The following SPARC variants were observed in gnomAD, a reference collection of about 807,000 sequenced individuals.
SPARC encodes the protein secreted protein acidic and cysteine rich, also known as basement-membrane protein 40.
In SPARC, 23 loss-of-function variants were observed where a neutral mutation model predicts 37.7. The observed-to-expected ratio is 0.61, with a 90% CI of 0.44 to 0.87. SPARC has a LOEUF of 0.87. Ranked by LOEUF, SPARC falls within the 40% of genes least tolerant of loss-of-function variation. The pLI is 0.00. For missense variants in SPARC, 312 were observed against 389.0 expected (o/e 0.80, Z 1.66); for synonymous variants, 155 against 150.8 (o/e 1.03, Z -0.20).
intron 2 of SPARC, among the ~76,000 whole-genome samples, chr5:151,675,919 C>T (rs1760845756): frequency 6.6e-6 from 1 of 152,066 alleles, no homozygotes; most frequent in South Asian, 2.1e-4. Flanking sequence ...GTTTATCTAA[C>T]ATTACATGGA....
At chr5:151,681,548 T>A (rs1270255001) in intron 1 of SPARC, among the ~76,000 whole-genome samples, 6 of 152,250 alleles carry the variant, frequency 3.9e-5, no homozygotes, top group African/African-American at 1.4e-4. Flanking sequence ...TAGCATGTAC[T>A]GAACCATGTG....
chr5:151,665,821 G>A (rs1217164171), intron 8 of SPARC, among the ~76,000 whole-genome samples: 1 of 152,232 alleles, frequency 6.6e-6, no homozygotes. Flanking sequence ...TGCCTGTTCG[G>A]CAGTGCAGTT....
At chr5:151,675,276 T>C (rs1368975150) in intron 2 of SPARC, among the ~76,000 whole-genome samples, 2 of 152,216 alleles carry the variant, frequency 1.3e-5, no homozygotes, top group African/African-American at 4.8e-5. Context: ...CACTTCTTAG[T>C]AAACAGAGGA....
At chr5:151,669,617 A>G (rs1486138746) in intron 6 of SPARC, 47 bp downstream of exon 6, 1 of 1,598,804 alleles carries the variant, frequency 6.3e-7, no homozygotes. Context: ...GCCAGCTCAG[A>G]GCTCTCTCCC....
In SPARC at chr5:151,663,521, C is replaced by G. The variant is rs752834849; in HGVS notation, c.*50G>C. The G allele has an allele frequency of 6.4e-7, 1 of 1,569,132 alleles. No homozygotes were observed. Among genetic ancestry groups the G allele is most frequent in the Non-Finnish European group, 8.8e-7 (1 of 1,140,108 alleles). ...CAAACATTTTAAACATTGGGGGAAA[C>G]ACGAAGGGGAGGGTTAAAGAGAGAA... On this transcript the variant is annotated 3_prime_UTR_variant, in exon 10 of 10. Coordinates refer to ENST00000231061, the MANE Select transcript of SPARC (RefSeq NM_003118.4).
chr5:151,667,022 C>T (rs1760638545), intron 7 of SPARC, among the ~76,000 whole-genome samples: 1 of 151,956 alleles, frequency 6.6e-6, no homozygotes, highest in African/African-American at 2.4e-5. Flanking sequence ...GACTTTGCCT[C>T]AAAAAAATAA....
rs3033198 is a variant in SPARC at position 151,685,422 on chromosome 5, TCACACA to T, written c.-14+1437_-14+1442del. ...CTCTCTCTCTCTCTCCCTCTCTCTC[TCACACA>T]CACACACACACACACACACACACAC... On this transcript the variant is annotated intron_variant, in intron 1 of 9. Transcript: ENST00000231061. Among the ~76,000 whole-genome samples the T allele has an allele frequency of 2.9e-3, 410 of 140,500 alleles. 2 individuals are homozygous for T. The highest frequency in any genetic ancestry group is 7.9e-3 in the African/African-American group (295 of 37,244). The allele number at this position is 140,500 out of a possible 152,430, so 92.2% of individuals were successfully genotyped here.
intron 1 of SPARC, among the ~76,000 whole-genome samples, chr5:151,685,620 T>A (rs1761121374): frequency 6.6e-6 from 1 of 152,104 alleles, no homozygotes; most frequent in Non-Finnish European, 1.5e-5. Context: ...GGGCACTAAA[T>A]CCAGGGGAGA....
intron 1 of SPARC, chr5:151,685,883 C>T (rs1042914781): frequency 2.6e-5 from 4 of 152,166 alleles, no homozygotes; most frequent in Non-Finnish European, 5.9e-5. Flanking sequence ...CCTTGGAGTC[C>T]TTGGAGTCCC....
In SPARC at chr5:151,666,527, G is replaced by A. The variant is rs1272609734; in HGVS notation, c.586-18C>T. 2 of 1,611,512 alleles carry A rather than the reference G, an allele frequency of 1.2e-6. No homozygotes were observed. Among genetic ancestry groups the A allele is most frequent in the South Asian group, 1.1e-5 (1 of 90,602 alleles). On this transcript the variant is annotated intron_variant, in intron 7 of 9. Transcript: ENST00000231061. ...TTCTTCACCTGAGGGAGTAGAGACT[G>A]TGTGTGACAAGAGGTCCATGGAGAT...
intron 6 of SPARC, 94 bp downstream of exon 6, chr5:151,669,570 G>T: frequency 1.4e-6 from 2 of 1,428,334 alleles, no homozygotes; most frequent in Non-Finnish European, 1.9e-6. Flanking sequence ...ATTTGCCCAA[G>T]ATCACCCAGC....
At chr5:151,682,099 C>T (rs527767759) in intron 1 of SPARC, among the ~76,000 whole-genome samples, 1 of 152,272 alleles carries the variant, frequency 6.6e-6, no homozygotes, top group East Asian at 1.9e-4. Flanking sequence ...CTTTTTAGAG[C>T]CTTACCTCTC....
At chr5:151,664,008 A>G in intron 9 of SPARC, 79 bp downstream of exon 9, 1 of 1,530,540 alleles carries the variant, frequency 6.5e-7, no homozygotes, top group South Asian at 1.1e-5. Flanking sequence ...AAGAGAGCGG[A>G]GAGTGGGGGG....
chr5:151,673,513 T>C (rs1391743751), intron 3 of SPARC, among the ~76,000 whole-genome samples: 1 of 152,244 alleles, frequency 6.6e-6, no homozygotes, highest in East Asian at 1.9e-4. Flanking sequence ...CCTCCTATTC[T>C]ATGCAGTCAT....
chr5:151,666,638 G>T, intron 7 of SPARC, 129 bp from the exon 8 acceptor site: 1 of 761,846 alleles, frequency 1.3e-6, no homozygotes, highest in South Asian at 1.9e-5. Flanking sequence ...AGCGAGGGGA[G>T]GGAGGTGTCA....
chr5:151,672,333 T>G (rs1760764835), intron 4 of SPARC, among the ~76,000 whole-genome samples: 1 of 152,182 alleles, frequency 6.6e-6, no homozygotes, highest in African/African-American at 2.4e-5. Flanking sequence ...TGTGGCCTTT[T>G]CCTCGCAATG....
In SPARC at chr5:151,675,327, G is replaced by T. The variant is rs1407612766; in HGVS notation, c.58-653C>A. 2.0e-5 allele frequency among the ~76,000 whole-genome samples: 3 copies of T among 152,128 alleles called. No individual in the cohort carries two copies. In the East Asian group the frequency reaches 5.8e-4, roughly 29 times the overall value. ...TTGAAAGAAATTGCACTTTTTGCCT[G>T]CCCTGTTTCTTCCTCCTCTCCTTGT... On this transcript the variant is annotated intron_variant, in intron 2 of 9. Transcript: ENST00000231061.
rs199545527 is a variant in SPARC, at chr5:151,664,216, G to A, written c.754C>T (p.Leu252=). 4 of 1,614,068 alleles carry A rather than the reference G, an allele frequency of 2.5e-6. No homozygotes were observed. The Admixed American group carries it at 5.0e-5, about 20-fold the overall frequency. The change falls in exon 9 of 10, where the codon CTG becomes TTG. Residue 252 remains leucine, a synonymous_variant. Transcript: ENST00000231061. ...ATGAGGGGAGCACGCAGTGGAGCCA[G>A]CTCGGTGTGGGAGAGGTACCTGCAG... The part of the protein sequence containing the change: ...PIDGYLSHTE[L]APLRAPLIPM...
chr5:151,671,775 C>T (rs1441949163), intron 4 of SPARC, 81 bp from the exon 5 acceptor site: 14 of 1,576,854 alleles, frequency 8.9e-6, no homozygotes, highest in Non-Finnish European at 1.2e-5. Flanking sequence ...GATCTCAGGG[C>T]TGACAGTCCT....
Sources: allele counts gnomAD v4.1 joint callset (sites outside exome capture counted in the v4.1 genomes callset), GRCh38; gene constraint gnomAD v4.1.1; transcripts MANE v1.5; gene names NCBI Gene and HGNC (gene_info 2026-07-23, HGNC 2026-07-21).